Variants in ZBTB41 observed in about 807,000 individuals in gnomAD.
The protein encoded by ZBTB41 is zinc finger and BTB domain containing 41, also known as zinc finger and BTB domain-containing protein 41.
Under a neutral mutation model 87.6 loss-of-function variants are expected in ZBTB41, and 42 were observed. The ratio of observed to expected loss-of-function variants is 0.48; its 90% CI spans 0.37 to 0.62. The LOEUF (loss-of-function observed/expected upper bound fraction) is 0.62, where lower values mean the gene tolerates loss of function less well. ZBTB41 is among the 20% of genes least tolerant of loss of function. ZBTB41 has a pLI of 0.00. For synonymous variants in ZBTB41, 364 were observed against 364.0 expected, an observed-to-expected ratio of 1.00 and a Z score of 0.00; for missense variants, 799 against 1,078.9, an observed-to-expected ratio of 0.74 and a Z score of 3.63.
At chr1:197,194,282 T>G (rs1335357710) in intron 2 of ZBTB41, among the ~76,000 whole-genome samples, 3 of 152,088 alleles carry the variant, frequency 2.0e-5, no homozygotes, top group Admixed American at 6.6e-5. Flanking sequence ...CCTCCCAAAG[T>G]GCTGGGATTA....
At position 197,200,563 on chromosome 1, in the gene ZBTB41, G is replaced by T; in HGVS notation, c.-90C>A. 7.6e-7 allele frequency: 1 copy of T among 1,314,400 alleles called. No homozygotes were observed. The highest frequency in any genetic ancestry group is 1.0e-6 in the Non-Finnish European group (1 of 977,390). The allele number at this position is 1,314,400 out of a possible 1,614,324, so 81.4% of individuals were successfully genotyped here. On this transcript the variant is annotated 5_prime_UTR_variant, in exon 2 of 11. Transcript: ENST00000367405. ...TAGATTGTCTTGGATAACAGCTTCT[G>T]AAGGGGCGTGCCCAAGGGTTTCATG... is the stretch of plus-strand genomic sequence containing the variant.
chr1:197,196,767 C>T (rs2125142393), intron 2 of ZBTB41, among the ~76,000 whole-genome samples: 1 of 152,254 alleles, frequency 6.6e-6, no homozygotes, highest in Middle Eastern at 3.4e-3. Context: ...CCTCCCTGAC[C>T]ACCTTGAAAC....
At position 197,200,222 on chromosome 1, in the gene ZBTB41, T is replaced by A. The variant is rs1429334241; in HGVS notation, c.252A>T (p.Gln84His). The change falls in exon 2 of 11, where the codon CAA becomes CAT. Residue 84 changes from glutamine to histidine, a missense_variant. Gln to His is a conservative substitution (Grantham distance 24). Coordinates refer to ENST00000367405, the MANE Select transcript of ZBTB41 (RefSeq NM_194314.3). ...TGATAAGTAAATCACAAAAAGATGG[T>A]TGCTTCTGCCTATCATCATTTAAAT... ...LKYLNDDRQK[Q>H]PSFCDLLIIV... 6.2e-7 allele frequency: 1 copy of A among 1,613,378 alleles called. No homozygotes were observed. The highest frequency in any genetic ancestry group is 1.3e-5 in the African/African-American group (1 of 74,862).
intron 4 of ZBTB41, among the ~76,000 whole-genome samples, chr1:197,189,155 A>G (rs1033019081): frequency 5.3e-5 from 8 of 152,170 alleles, no homozygotes; most frequent in African/African-American, 1.9e-4. Context: ...AGAAATTGTG[A>G]GAAATTTGCT....
rs772471477 is a variant in ZBTB41, at chr1:197,200,127, C to T, written c.347G>A (p.Cys116Tyr). 5.0e-6 allele frequency: 8 copies of T among 1,613,768 alleles called. No individual in the cohort carries two copies. Among genetic ancestry groups the T allele is most frequent in the Non-Finnish European group, 6.8e-6 (8 of 1,180,012 alleles). Reference protein sequence around the residue: ...VAVGSSYFHACLSKNPSTDVV... With the variant: ...VAVGSSYFHAYLSKNPSTDVV... ...ATCAGTGCTTGGATTTTTGCTCAAACACGCATGAAAATAACTACTGCCGAC... is the reference window on the plus strand; with the variant it reads ...ATCAGTGCTTGGATTTTTGCTCAAATACGCATGAAAATAACTACTGCCGAC... Residue 116 changes from cysteine (C) to tyrosine (Y), a missense_variant, in exon 2 of 11, where the codon TGT becomes TAT. By Grantham distance (194) the Cys-to-Tyr change is radical. Coordinates refer to ENST00000367405, the MANE Select transcript of ZBTB41 (RefSeq NM_194314.3).
Position 197,200,103 on chromosome 1 carries a change from T to A in ZBTB41, c.371A>T (p.Asp124Val), listed in dbSNP as rs1267259387. 1.2e-6 allele frequency: 2 copies of A among 1,613,884 alleles called. No homozygotes were observed. The highest frequency in any genetic ancestry group is 3.3e-5 in the Admixed American group (2 of 60,000). The part of the protein sequence containing the change: ...HACLSKNPST[D>V]VVTLDHVTHS... The stretch of plus-strand genomic sequence containing the variant: ...TGTTACGTGATCCAGGGTGACAACA[T>A]CAGTGCTTGGATTTTTGCTCAAACA... Residue 124 changes from aspartate to valine, a missense_variant, in exon 2 of 11, where the codon GAT (aspartate) becomes GTT (valine). Coordinates refer to ENST00000367405, the MANE Select transcript of ZBTB41 (RefSeq NM_194314.3).
intron 2 of ZBTB41, among the ~76,000 whole-genome samples, chr1:197,197,184 T>C (rs1207243465): frequency 6.6e-6 from 1 of 152,050 alleles, no homozygotes; most frequent in Non-Finnish European, 1.5e-5. Context: ...AGCATCACAT[T>C]AGCATCATCT....
intron 10 of ZBTB41, among the ~76,000 whole-genome samples, chr1:197,171,505 G>C (rs556512037): frequency 4.1e-4 from 63 of 152,058 alleles, no homozygotes; most frequent in African/African-American, 1.5e-3. Context: ...AGGAAAACAA[G>C]GTTTTAAAAA....
intron 10 of ZBTB41, among the ~76,000 whole-genome samples, chr1:197,168,822 AGAG>A (rs1234580422): frequency 6.6e-6 from 1 of 152,116 alleles, no homozygotes; most frequent in African/African-American, 2.4e-5. Flanking sequence ...GGTAAGTCAT[AGAG>A]GAGAAGGTAT....
In ZBTB41 at chr1:197,199,734, CTT is replaced by C; in HGVS notation, c.738_739del (p.Ser247PhefsTer15). 1 of 1,613,474 alleles carries C rather than the reference CTT, an allele frequency of 6.2e-7. No homozygotes were observed. The highest frequency in any genetic ancestry group is 8.5e-7 in the Non-Finnish European group (1 of 1,179,870). ...CCTTTTTGATCTTCTTGCGGAGAAA[CTT>C]CTCTCCAGCATTTTTAACCCATGTT... On this transcript the variant is annotated frameshift_variant, in exon 2 of 11. Coordinates refer to ENST00000367405, the MANE Select transcript of ZBTB41 (RefSeq NM_194314.3). LOFTEE classifies it high-confidence loss of function.
In ZBTB41 at chr1:197,159,303, T is replaced by A; in HGVS notation, c.*56A>T. The A allele has an allele frequency of 6.5e-7, 1 of 1,535,974 alleles. No individual in the cohort carries two copies. The highest frequency in any genetic ancestry group is 2.3e-5 in the East Asian group (1 of 44,184). Reference sequence around the variant, plus strand: ...AGCAGCCCCACAAATTTAAAAGCTATCATCTCTACCATTAGCATATAACCA... The same window carrying A: ...AGCAGCCCCACAAATTTAAAAGCTAACATCTCTACCATTAGCATATAACCA... On this transcript the variant is annotated 3_prime_UTR_variant, in exon 11 of 11. Coordinates refer to ENST00000367405, the MANE Select transcript of ZBTB41 (RefSeq NM_194314.3).
At chr1:197,169,706 T>TA (rs975304209) in intron 10 of ZBTB41, among the ~76,000 whole-genome samples, 5 of 151,516 alleles carry the variant, frequency 3.3e-5, no homozygotes, top group African/African-American at 4.8e-5. Context: ...TATACTTCAA[T>TA]AAAAAAAAGC....
At chr1:197,190,614 A>T in intron 4 of ZBTB41, 148 bp downstream of exon 4, 1 of 532,894 alleles carries the variant, frequency 1.9e-6, no homozygotes, top group Non-Finnish European at 3.3e-6. Context: ...TTAATTTACA[A>T]AATATATTAG....
chr1:197,165,632 C>CA (rs983127915), intron 10 of ZBTB41, among the ~76,000 whole-genome samples: 5 of 149,096 alleles, frequency 3.4e-5, no homozygotes, highest in East Asian at 2.0e-4. Context: ...AAAAAAACAA[C>CA]AAAAAAAAGT....
rs200241276 is a variant in ZBTB41 at position 197,178,373 on chromosome 1, T to C, written c.1772+44A>G. The C allele has an allele frequency of 2.1e-4, 267 of 1,299,066 alleles. 1 individual carries two copies. Among genetic ancestry groups the C allele is most frequent in the East Asian group, 6.3e-4 (26 of 41,072 alleles). 80.5% of individuals were successfully genotyped at this position (1,299,066 alleles called of 1,614,324 possible). A position where few individuals can be genotyped will look rare whatever the true frequency, so the allele number is the denominator to read the frequency against. ...AGAAAATAGAACTAAAATAGAGATA[T>C]AATTCTATCTTACTTAATAAAGGGA... On this transcript the variant is annotated intron_variant, in intron 7 of 10. Coordinates refer to ENST00000367405, the MANE Select transcript of ZBTB41 (RefSeq NM_194314.3).
At chr1:197,191,969 A>G in intron 2 of ZBTB41, 70 bp from the exon 3 acceptor site, 1 of 1,289,268 alleles carries the variant, frequency 7.8e-7, no homozygotes, top group Non-Finnish European at 1.0e-6. Flanking sequence ...TTGAGAGTGG[A>G]ATAAAACCTC....
intron 10 of ZBTB41, among the ~76,000 whole-genome samples, chr1:197,168,274 CA>C (rs1168801161): frequency 6.6e-6 from 1 of 151,948 alleles, no homozygotes; most frequent in African/African-American, 2.4e-5. Context: ...GAGGTGTTCA[CA>C]GACTGGATAA....
intron 5 of ZBTB41, among the ~76,000 whole-genome samples, chr1:197,183,174 A>G (rs114803577): frequency 0.014 from 2,093 of 152,300 alleles, 43 homozygotes; most frequent in African/African-American, 0.048. Flanking sequence ...TATGTCACAA[A>G]CCATATTTCT....
At chr1:197,195,433 T>C (rs1406155785) in intron 2 of ZBTB41, among the ~76,000 whole-genome samples, 2 of 152,218 alleles carry the variant, frequency 1.3e-5, no homozygotes, top group African/African-American at 4.8e-5. Context: ...ATGAGTTCAT[T>C]ATATATCTGA....
Sources: gnomAD v4.1 joint callset for allele counts (sites outside exome capture counted in the v4.1 genomes callset) on GRCh38, gnomAD v4.1.1 for gene constraint, MANE v1.5 for transcripts, NCBI Gene and HGNC (gene_info 2026-07-23, HGNC 2026-07-21) for gene names.